OXSR1: variants seen among roughly 807,000 people sequenced by gnomAD.
OXSR1 encodes serine/threonine-protein kinase OSR1.
OXSR1 carries 24 observed loss-of-function variants against 79.8 expected under a neutral mutation model. The observed-to-expected ratio is 0.30, with a 90% confidence interval of 0.22 to 0.42. OXSR1 has a LOEUF of 0.42. Among genes scored for constraint, OXSR1 ranks in the 10% least tolerant of loss-of-function variants. The probability of loss-of-function intolerance (pLI) is 1.00; values close to 1 mark genes in which losing one functional copy is unlikely to be tolerated. For missense variants in OXSR1, 430 were observed against 618.4 expected (o/e 0.70, Z 3.23); for synonymous variants, 226 against 209.2 (o/e 1.08, Z -0.69).
chr3:38,167,894 T>G (rs994726511), intron 1 of OXSR1, among the ~76,000 whole-genome samples: 14 of 143,202 alleles, frequency 9.8e-5, no homozygotes, highest in East Asian at 1.9e-4. Context: ...AAGAAGAGTT[T>G]TTTTTTTTTT....
chr3:38,178,070 T>C (rs1377321458), intron 1 of OXSR1, among the ~76,000 whole-genome samples: 6 of 152,158 alleles, frequency 3.9e-5, no homozygotes, highest in African/African-American at 1.4e-4. Context: ...TGTCTCGGCC[T>C]CCTGAGTAAC....
intron 13 of OXSR1, among the ~76,000 whole-genome samples, chr3:38,246,881 A>G (rs937066638): frequency 2.0e-5 from 3 of 152,210 alleles, no homozygotes; most frequent in Admixed American, 6.5e-5. Context: ...TAAGACTTTC[A>G]ACGTCCATTT....
chr3:38,247,747 T>C lies in OXSR1; in HGVS notation c.1322+15T>C. The C allele has an allele frequency of 1.3e-6, 2 of 1,560,190 alleles. No individual in the cohort carries two copies. Among genetic ancestry groups the C allele is most frequent in the Non-Finnish European group, 8.8e-7 (1 of 1,132,804 alleles). On this transcript the variant is annotated intron_variant, in intron 14 of 17. Coordinates refer to ENST00000311806, the MANE Select transcript of OXSR1 (RefSeq NM_005109.3). ...CTAAGATTAAGGTAAGTAGACATTT[T>C]TTGTTTTGTTTTCTTTTGTTTTCTG... is the stretch of plus-strand genomic sequence containing the variant.
intron 4 of OXSR1, among the ~76,000 whole-genome samples, chr3:38,204,334 G>A (rs1575333683): frequency 6.6e-6 from 1 of 152,140 alleles, no homozygotes; most frequent in Non-Finnish European, 1.5e-5. Flanking sequence ...CTACCCAACC[G>A]TGGTCCAGCT....
intron 4 of OXSR1, among the ~76,000 whole-genome samples, chr3:38,215,375 C>T (rs756301726): frequency 6.6e-6 from 1 of 152,016 alleles, no homozygotes; most frequent in Non-Finnish European, 1.5e-5. Flanking sequence ...TCTAGGTTAT[C>T]AAGAAATGGT....
chr3:38,247,790 G>A, intron 14 of OXSR1, 58 bp downstream of exon 14: 2 of 1,072,828 alleles, frequency 1.9e-6, no homozygotes, highest in Non-Finnish European at 2.9e-6. Flanking sequence ...TGCATGTGCT[G>A]TAATAGTCTG....
chr3:38,169,158 G>T (rs1156940370), intron 1 of OXSR1, among the ~76,000 whole-genome samples: 1 of 152,166 alleles, frequency 6.6e-6, no homozygotes, highest in Non-Finnish European at 1.5e-5. Flanking sequence ...GTATCTCATT[G>T]TGGTTTTGAT....
chr3:38,204,164 C>G (rs541450404), intron 4 of OXSR1, among the ~76,000 whole-genome samples: 1 of 152,186 alleles, frequency 6.6e-6, no homozygotes, highest in African/African-American at 2.4e-5. Flanking sequence ...CAGTGTTCAG[C>G]TGGGGCCCAA....
At chr3:38,244,672 C>CGCGCGT (rs1277357404) in intron 12 of OXSR1, among the ~76,000 whole-genome samples, 2 of 7,908 alleles carry the variant, frequency 2.5e-4, no homozygotes, top group Admixed American at 1.2e-3. Flanking sequence ...TGTGTGCGTG[C>CGCGCGT]GCATGTACCA....
intron 4 of OXSR1, among the ~76,000 whole-genome samples, chr3:38,214,939 C>T (rs879557020): frequency 4.6e-5 from 7 of 152,200 alleles, no homozygotes; most frequent in South Asian, 2.1e-4. Context: ...ACAAATAAGA[C>T]GTTCTTCCAT....
intron 11 of OXSR1, 148 bp from the exon 12 acceptor site, chr3:38,242,595 G>T: frequency 2.2e-6 from 1 of 464,924 alleles, no homozygotes. Flanking sequence ...ATTTTTTCCA[G>T]AAAACTTTCA....
chr3:38,239,791 C>T lies in OXSR1; in HGVS notation c.1074+2830C>T, dbSNP rs377289544. Among the ~76,000 whole-genome samples the T allele has an allele frequency of 4.6e-5, 7 of 152,134 alleles. No homozygotes were observed. In the South Asian group the frequency reaches 6.2e-4, roughly 13 times the overall value. On this transcript the variant is annotated intron_variant, in intron 11 of 17. Coordinates refer to ENST00000311806, the MANE Select transcript of OXSR1 (RefSeq NM_005109.3). ...ATCAGCTTAATCTGCCTTGGTCTCC[C>T]GGTCTCTTAGCTCTGTTTCCTCAAC...
rs752859478 is a variant in OXSR1, at chr3:38,190,720, C to T, written c.184-11C>T. ...CATATAATGAATTATTATGTTTTCT[C>T]TTCTTTGTAGAAAGAAATTCAAGCC... On this transcript the variant is annotated splice_polypyrimidine_tract_variant and intron_variant, in intron 2 of 17. Coordinates refer to ENST00000311806, the MANE Select transcript of OXSR1 (RefSeq NM_005109.3). 22 of 1,414,048 alleles carry T rather than the reference C, an allele frequency of 1.6e-5. No homozygotes were observed. The East Asian group carries it at 4.1e-4, about 26-fold the overall frequency. The allele number at this position is 1,414,048 out of a possible 1,614,324, so 87.6% of individuals were successfully genotyped here.
chr3:38,207,091 A>C (rs1033232854), intron 4 of OXSR1, among the ~76,000 whole-genome samples: 1 of 152,238 alleles, frequency 6.6e-6, no homozygotes, highest in African/African-American at 2.4e-5. Flanking sequence ...AGGGCCAGAT[A>C]GCAAATATTT....
At chr3:38,171,720 G>A (rs1701585562) in intron 1 of OXSR1, among the ~76,000 whole-genome samples, 1 of 150,996 alleles carries the variant, frequency 6.6e-6, no homozygotes, top group Non-Finnish European at 1.5e-5. Flanking sequence ...GGCAAGATTT[G>A]AAGTTCTTTA....
chr3:38,203,962 A>T (rs1019861952), intron 4 of OXSR1, among the ~76,000 whole-genome samples: 8 of 152,194 alleles, frequency 5.3e-5, no homozygotes, highest in Non-Finnish European at 1.0e-4. Flanking sequence ...CAGAGATGCC[A>T]TCAGAGAGCC....
intron 9 of OXSR1, 136 bp downstream of exon 9, chr3:38,229,871 GTA>G: frequency 4.3e-6 from 3 of 705,200 alleles, no homozygotes. Flanking sequence ...AAAGCACTAT[GTA>G]TACAGTCTTT....
intron 14 of OXSR1, 49 bp from the exon 15 acceptor site, chr3:38,249,917 T>C: frequency 9.0e-7 from 1 of 1,106,166 alleles, no homozygotes; most frequent in Non-Finnish European, 1.4e-6. Flanking sequence ...AGAATCTCTT[T>C]GCATAAATTT....
rs772055910 is a variant in OXSR1, at chr3:38,246,081, C to G, written c.1117C>G (p.Pro373Ala). ...KESISNSELF[P>A]TTDPVGTLLQ... ...GTGTGTGTTTTTGTTACAGCTCTTT[C>G]CAACAACTGATCCTGTGGGTACTTT... Residue 373 changes from proline (P) to alanine (A), a missense_variant, in exon 13 of 18, where the codon CCA becomes GCA. Physicochemically the swap from Pro to Ala is conservative, Grantham distance 27 (BLOSUM62 -1). Transcript: ENST00000311806. 3.1e-6 allele frequency: 5 copies of G among 1,613,666 alleles called. No homozygotes were observed. Among genetic ancestry groups the G allele is most frequent in the Non-Finnish European group, 4.2e-6 (5 of 1,179,682 alleles).
Sources: gnomAD v4.1 joint callset for allele counts (sites outside exome capture counted in the v4.1 genomes callset) on GRCh38, gnomAD v4.1.1 for gene constraint, MANE v1.5 for transcripts, NCBI Gene and HGNC (gene_info 2026-07-23, HGNC 2026-07-21) for gene names.